PEAK1: variants seen among roughly 807,000 people sequenced by gnomAD.
The protein encoded by PEAK1 is pseudopodium enriched atypical kinase 1.
In PEAK1, 54 loss-of-function variants were observed where a neutral mutation model predicts 124.7. That is an observed-to-expected ratio of 0.43 (90% CI 0.35 to 0.54). The LOEUF is 0.54. Ranked by LOEUF, PEAK1 falls within the 20% of genes least tolerant of loss-of-function variation. The pLI is 0.01. For missense variants in PEAK1, 2,046 were observed against 2,134.5 expected (o/e 0.96, Z 0.82); for synonymous variants, 719 against 760.0 (o/e 0.95, Z 0.89).
intron 2 of PEAK1, chr15:77,346,342 G>T: frequency 1.0e-6 from 1 of 981,140 alleles, no homozygotes; most frequent in African/African-American, 1.7e-5. Context: ...AACTCATTTT[G>T]TAAACCTGGA....
chr15:77,284,117 TG>T, intron 4 of PEAK1, 87 bp from the exon 5 acceptor site: 1 of 629,850 alleles, frequency 1.6e-6, no homozygotes, highest in Non-Finnish European at 2.0e-6. Flanking sequence ...AATCTGGTCA[TG>T]TAAACAATGA....
intron 8 of PEAK1, among the ~76,000 whole-genome samples, chr15:77,139,954 C>T (rs570073497): frequency 1.3e-5 from 2 of 152,126 alleles, no homozygotes; most frequent in East Asian, 3.9e-4. Flanking sequence ...TTATTCACTG[C>T]TGTAATCTCT....
At chr15:77,130,279 AAGAT>A (rs2152736531) in intron 9 of PEAK1, among the ~76,000 whole-genome samples, 1 of 152,358 alleles carries the variant, frequency 6.6e-6, no homozygotes, top group African/African-American at 2.4e-5. Context: ...ATAAGGGCCC[AAGAT>A]AGATAAGGCA....
intron 6 of PEAK1, among the ~76,000 whole-genome samples, chr15:77,239,554 A>G (rs2060266001): frequency 6.6e-6 from 1 of 152,256 alleles, no homozygotes; most frequent in Non-Finnish European, 1.5e-5. Flanking sequence ...CATGGCAAAC[A>G]GCATATGCTT....
intron 2 of PEAK1, chr15:77,332,381 C>T (rs531468235): frequency 6.7e-6 from 3 of 444,680 alleles, no homozygotes; most frequent in Non-Finnish European, 8.9e-6. Flanking sequence ...GGGCAGATCA[C>T]GAGGTCAGGA....
intron 7 of PEAK1, among the ~76,000 whole-genome samples, chr15:77,162,914 CTAATT>C (rs2055787047): frequency 6.6e-6 from 1 of 152,074 alleles, no homozygotes; most frequent in African/African-American, 2.4e-5. Context: ...ACCAGTGTAT[CTAATT>C]TTTTTTCAGC....
intron 8 of PEAK1, among the ~76,000 whole-genome samples, chr15:77,148,244 T>G (rs967806321): frequency 6.6e-6 from 1 of 152,222 alleles, no homozygotes; most frequent in African/African-American, 2.4e-5. Flanking sequence ...GGTAGAGGAC[T>G]CACGGGAGAT....
At position 77,114,569 on chromosome 15, in the gene PEAK1, C is replaced by G. The variant is rs1381192940; in HGVS notation, c.4828G>C (p.Asp1610His). ...YEMLHLPNPF[D>H]ENPELKEREY... ...CTCTCCTTCAGCTCTGGGTTCTCATCAAAGGGGTTGGGTAGGTGCAGCATC... is the reference window on the plus strand; with the variant it reads ...CTCTCCTTCAGCTCTGGGTTCTCATGAAAGGGGTTGGGTAGGTGCAGCATC... The change falls in exon 10 of 10, where the codon GAT (aspartate) becomes CAT (histidine). Residue 1610 changes from aspartate (D) to histidine (H), a missense_variant. Physicochemically the swap from Asp to His is moderately conservative, Grantham distance 81 (BLOSUM62 -1). Coordinates refer to ENST00000682557, the MANE Select transcript of PEAK1 (RefSeq NM_001385026.1). The G allele has an allele frequency of 6.2e-7, 1 of 1,614,096 alleles. No individual in the cohort carries two copies. Among genetic ancestry groups the G allele is most frequent in the East Asian group, 2.2e-5 (1 of 44,850 alleles).
rs115522875 is a variant in PEAK1 at position 77,116,449 on chromosome 15, A to G, written c.4078-1130T>C. Among the ~76,000 whole-genome samples, 231 of 152,340 alleles carry G rather than the reference A, an allele frequency of 1.5e-3. 2 individuals carry two copies. The highest frequency in any genetic ancestry group is 5.4e-3 in the African/African-American group (224 of 41,578). On this transcript the variant is annotated intron_variant, in intron 9 of 9. Coordinates refer to ENST00000682557, the MANE Select transcript of PEAK1 (RefSeq NM_001385026.1). ...AATACAGAAAAGCAAAACTTAAAAAAGCAATTTCTAGTCATTTTTATTTAA... is the reference window on the plus strand; with the variant it reads ...AATACAGAAAAGCAAAACTTAAAAAGGCAATTTCTAGTCATTTTTATTTAA...
intron 2 of PEAK1, among the ~76,000 whole-genome samples, chr15:77,324,558 A>C (rs1173869357): frequency 6.6e-6 from 1 of 152,214 alleles, no homozygotes; most frequent in African/African-American, 2.4e-5. Flanking sequence ...ACTGAGACTG[A>C]GTAATTTATA....
intron 1 of PEAK1, among the ~76,000 whole-genome samples, chr15:77,413,991 T>C (rs545226595): frequency 1.3e-5 from 2 of 151,666 alleles, no homozygotes; most frequent in South Asian, 4.2e-4. Flanking sequence ...ACCCGGCTAA[T>C]TTATTATAGT....
chr15:77,307,196 G>C (rs1013565382), intron 2 of PEAK1, among the ~76,000 whole-genome samples: 1 of 152,042 alleles, frequency 6.6e-6, no homozygotes, highest in African/African-American at 2.4e-5. Context: ...CCAAGTCCCA[G>C]GTCTGATGCT....
chr15:77,266,595 C>G (rs2061745999), intron 5 of PEAK1, among the ~76,000 whole-genome samples: 1 of 152,224 alleles, frequency 6.6e-6, no homozygotes, highest in South Asian at 2.1e-4. Flanking sequence ...AAACCATTTG[C>G]CATATCAAGA....
At chr15:77,332,767 C>T (rs987052205) in intron 2 of PEAK1, among the ~76,000 whole-genome samples, 24 of 151,656 alleles carry the variant, frequency 1.6e-4, no homozygotes, top group African/African-American at 5.6e-4. Context: ...TTTAACGGTA[C>T]CTTATTATTT....
chr15:77,257,220 A>G (rs929848059), intron 5 of PEAK1, among the ~76,000 whole-genome samples: 3 of 151,956 alleles, frequency 2.0e-5, no homozygotes, highest in African/African-American at 7.3e-5. Flanking sequence ...AGCATGATTT[A>G]TAGTCCTTTG....
At position 77,115,578 on chromosome 15, in the gene PEAK1, C is replaced by G. The variant is rs537152779; in HGVS notation, c.4078-259G>C. On this transcript the variant is annotated intron_variant, in intron 9 of 9. Coordinates refer to ENST00000682557, the MANE Select transcript of PEAK1 (RefSeq NM_001385026.1). ...TAACCTTTCACAGTAGATTGAGGAT[C>G]TAAGAATTTAAAAAAGAAAAAAAGC... Among the ~76,000 whole-genome samples the G allele has an allele frequency of 1.0e-3, 152 of 151,990 alleles. 1 individual carries two copies. The highest frequency in any genetic ancestry group is 3.2e-3 in the African/African-American group (131 of 41,490).
chr15:77,360,708 C>T (rs1437366950), intron 2 of PEAK1, among the ~76,000 whole-genome samples: 1 of 151,932 alleles, frequency 6.6e-6, no homozygotes, highest in African/African-American at 2.4e-5. Flanking sequence ...GGTCCTGAAA[C>T]CAATTCCCTG....
intron 8 of PEAK1, among the ~76,000 whole-genome samples, chr15:77,136,114 A>G (rs1221442200): frequency 2.0e-5 from 3 of 152,178 alleles, no homozygotes; most frequent in Non-Finnish European, 4.4e-5. Flanking sequence ...AGTGATATGA[A>G]CAATAAGGTC....
chr15:77,114,860 T>A lies in PEAK1; in HGVS notation c.4537A>T (p.Thr1513Ser), dbSNP rs759653882. 4.3e-6 allele frequency: 7 copies of A among 1,613,232 alleles called. No individual in the cohort carries two copies. Among genetic ancestry groups the A allele is most frequent in the Non-Finnish European group, 5.1e-6 (6 of 1,179,884 alleles). Residue 1513 changes from threonine (T) to serine (S), a missense_variant, in exon 10 of 10, where the codon ACT becomes TCT. Transcript: ENST00000682557. Reference sequence around the variant, plus strand: ...TTCTCTAGGCGTAGATCGCAGTGAGTGACATGGTAGGGTTTGAGGTGCTCA... The same window carrying A: ...TTCTCTAGGCGTAGATCGCAGTGAGAGACATGGTAGGGTTTGAGGTGCTCA... ...GLEHLKPYHVTHCDLRLENLL... is the reference protein window; with the variant it reads ...GLEHLKPYHVSHCDLRLENLL...
Sources: allele counts gnomAD v4.1 joint callset (sites outside exome capture counted in the v4.1 genomes callset), GRCh38; gene constraint gnomAD v4.1.1; transcripts MANE v1.5; gene names NCBI Gene and HGNC (gene_info 2026-07-23, HGNC 2026-07-21).